Variants in PPP2CB observed in about 807,000 individuals in gnomAD.
The protein encoded by PPP2CB is serine/threonine-protein phosphatase 2A catalytic subunit beta isoform.
A neutral mutation model predicts 39.1 loss-of-function variants in PPP2CB; 18 were observed. That is an observed-to-expected ratio of 0.46 (90% CI 0.32 to 0.68). The LOEUF (loss-of-function observed/expected upper bound fraction) is 0.68, where lower values mean the gene tolerates loss of function less well. Ranked by LOEUF, PPP2CB falls within the 30% of genes least tolerant of loss-of-function variation. The probability of loss-of-function intolerance (pLI) is 0.04; values close to 1 mark genes in which losing one functional copy is unlikely to be tolerated. For missense variants in PPP2CB, 226 were observed against 396.9 expected, an observed-to-expected ratio of 0.57 and a Z score of 3.66; for synonymous variants, 129 against 133.8, an observed-to-expected ratio of 0.96 and a Z score of 0.25.
In PPP2CB at chr8:30,786,314, A is replaced by G; in HGVS notation, c.858-7T>C. ...CGCTGGGTCAAATTGAAGGCTGTAA[A>G]TGGCAAAAAAGGAAGCAAATAAAGG... On this transcript the variant is annotated splice_polypyrimidine_tract_variant and splice_region_variant and intron_variant, in intron 6 of 6. Coordinates refer to ENST00000221138, the MANE Select transcript of PPP2CB (RefSeq NM_001009552.2). 3 of 1,568,172 alleles carry G rather than the reference A, an allele frequency of 1.9e-6. No individual in the cohort carries two copies. Among genetic ancestry groups the G allele is most frequent in the African/African-American group, 1.3e-5 (1 of 74,278 alleles).
intron 1 of PPP2CB, among the ~76,000 whole-genome samples, chr8:30,809,427 T>C (rs1348876717): frequency 6.6e-6 from 1 of 151,928 alleles, no homozygotes; most frequent in African/African-American, 2.4e-5. Flanking sequence ...TCAGAAAACA[T>C]ATATATGTAT....
Position 30,786,224 on chromosome 8 carries a change from C to T in PPP2CB, c.*11G>A, listed in dbSNP as rs767001181. ...ACTTCCACATACAAAGGCAGGTTTC[C>T]CAGGAGAAATTTATAGGAAGTAGTC... On this transcript the variant is annotated 3_prime_UTR_variant, in exon 7 of 7. Coordinates refer to ENST00000221138, the MANE Select transcript of PPP2CB (RefSeq NM_001009552.2). 81 of 1,549,772 alleles carry T rather than the reference C, an allele frequency of 5.2e-5. No individual in the cohort carries two copies. The highest frequency in any genetic ancestry group is 5.2e-6 in the Non-Finnish European group (6 of 1,146,836).
chr8:30,803,311 G>C (rs139349068), intron 1 of PPP2CB, among the ~76,000 whole-genome samples: 277 of 152,164 alleles, frequency 1.8e-3, no homozygotes, highest in African/African-American at 6.3e-3. Context: ...TGGAGGCCGA[G>C]GCAGAAGGAT....
In PPP2CB at chr8:30,812,433, C is replaced by G; in HGVS notation, c.-12G>C. 1 of 1,515,386 alleles carries G rather than the reference C, an allele frequency of 6.6e-7. No individual in the cohort carries two copies. Among genetic ancestry groups the G allele is most frequent in the Non-Finnish European group, 8.9e-7 (1 of 1,128,572 alleles). The allele number at this position is 1,515,386 out of a possible 1,614,324, so 93.9% of individuals were successfully genotyped here. Reference sequence around the variant, plus strand: ...GCCTTGTCGTCCATGGCGGCCCGATCCCGATGCGGATCCCGAGCCCCAGCC... The same window carrying G: ...GCCTTGTCGTCCATGGCGGCCCGATGCCGATGCGGATCCCGAGCCCCAGCC... On this transcript the variant is annotated 5_prime_UTR_variant, in exon 1 of 7. Coordinates refer to ENST00000221138, the MANE Select transcript of PPP2CB (RefSeq NM_001009552.2).
chr8:30,791,970 G>GTA (rs761363265), intron 5 of PPP2CB, among the ~76,000 whole-genome samples: 18 of 88,158 alleles, frequency 2.0e-4, no homozygotes, highest in Non-Finnish European at 1.8e-4. Context: ...GTATACGTGT[G>GTA]TATATGTGTA....
intron 3 of PPP2CB, among the ~76,000 whole-genome samples, chr8:30,794,942 C>T (rs1806494828): frequency 6.6e-6 from 1 of 152,088 alleles, no homozygotes; most frequent in Non-Finnish European, 1.5e-5. Context: ...AATGTTTATA[C>T]GTTTTAATTC....
intron 6 of PPP2CB, 54 bp downstream of exon 6, chr8:30,791,143 C>A: frequency 3.3e-6 from 4 of 1,221,996 alleles, no homozygotes; most frequent in Non-Finnish European, 4.6e-6. Flanking sequence ...CTATTTTTAA[C>A]ATTTAAAATT....
At chr8:30,804,857 T>TA (rs1806692268) in intron 1 of PPP2CB, among the ~76,000 whole-genome samples, 2 of 152,006 alleles carry the variant, frequency 1.3e-5, no homozygotes, top group South Asian at 4.1e-4. Context: ...AACCACATTA[T>TA]AAAGAATTTG....
Position 30,786,238 on chromosome 8 carries a change from T to C in PPP2CB, c.927A>G (p.Leu309=), listed in dbSNP as rs1427933521. Residue 309 remains leucine, a synonymous_variant, in exon 7 of 7, where the codon CTA becomes CTG. Coordinates refer to ENST00000221138, the MANE Select transcript of PPP2CB (RefSeq NM_001009552.2). Reference sequence around the variant, plus strand: ...AGGCAGGTTTCCCAGGAGAAATTTATAGGAAGTAGTCTGGGGTGCGCCGTG... The same window carrying C: ...AGGCAGGTTTCCCAGGAGAAATTTACAGGAAGTAGTCTGGGGTGCGCCGTG... ...HVTRRTPDYF[L] is the part of the protein sequence containing the mutation. 7.7e-6 allele frequency: 12 copies of C among 1,565,836 alleles called. No homozygotes were observed. The highest frequency in any genetic ancestry group is 8.7e-6 in the Non-Finnish European group (10 of 1,155,924).
intron 3 of PPP2CB, among the ~76,000 whole-genome samples, chr8:30,796,179 T>C (rs1289464090): frequency 2.0e-5 from 3 of 152,144 alleles, no homozygotes; most frequent in East Asian, 1.9e-4. Context: ...TTTTAACAAG[T>C]CCAGGCAAAG....
chr8:30,804,892 T>TA (rs527245672), intron 1 of PPP2CB, among the ~76,000 whole-genome samples: 15 of 148,210 alleles, frequency 1.0e-4, no homozygotes, highest in African/African-American at 1.5e-4. Context: ...ACCACCCTAT[T>TA]AAAAAAAAAA....
chr8:30,794,493 C>T (rs1195170294), intron 3 of PPP2CB: 2 of 464,466 alleles, frequency 4.3e-6, no homozygotes, highest in Admixed American at 3.9e-5. Context: ...TTTTCCCCTC[C>T]CTCCCTCCCT....
chr8:30,791,926 ATATG>A (rs562103144), intron 5 of PPP2CB, among the ~76,000 whole-genome samples: 56 of 151,854 alleles, frequency 3.7e-4, no homozygotes, highest in Admixed American at 7.2e-4. Flanking sequence ...ATACACGTAT[ATATG>A]TATGTATACA....
chr8:30,811,673 T>A (rs543825416), intron 1 of PPP2CB, among the ~76,000 whole-genome samples: 203 of 145,726 alleles, frequency 1.4e-3, no homozygotes, highest in African/African-American at 2.9e-3. Context: ...TTAAAAAAAA[T>A]TTTTTGTGTG....
chr8:30,789,556 T>C (rs375355488), intron 6 of PPP2CB, among the ~76,000 whole-genome samples: 1 of 152,222 alleles, frequency 6.6e-6, no homozygotes, highest in African/African-American at 2.4e-5. Flanking sequence ...TAGTTGGATC[T>C]TCATACTGCA....
At chr8:30,786,471 A>T (rs1806343796) in intron 6 of PPP2CB, 164 bp from the exon 7 acceptor site, 3 of 512,300 alleles carry the variant, frequency 5.9e-6, no homozygotes, top group Non-Finnish European at 1.0e-5. Flanking sequence ...AGATGCTCCC[A>T]TTCCAACTAA....
At chr8:30,789,664 T>A (rs564884120) in intron 6 of PPP2CB, among the ~76,000 whole-genome samples, 1 of 152,058 alleles carries the variant, frequency 6.6e-6, no homozygotes, top group East Asian at 1.9e-4. Flanking sequence ...ACCTAGGAGG[T>A]GCTCCTGGAT....
intron 6 of PPP2CB, among the ~76,000 whole-genome samples, chr8:30,789,567 C>T (rs1806397538): frequency 6.6e-6 from 1 of 152,200 alleles, no homozygotes; most frequent in Non-Finnish European, 1.5e-5. Context: ...TCATACTGCA[C>T]TCAGTCCAGA....
At chr8:30,806,693 G>A (rs1806731485) in intron 1 of PPP2CB, among the ~76,000 whole-genome samples, 2 of 152,058 alleles carry the variant, frequency 1.3e-5, no homozygotes, top group African/African-American at 4.8e-5. Flanking sequence ...ACCAAGGAAG[G>A]GCTTCATTCA....
Sources: gnomAD v4.1 joint callset for allele counts (sites outside exome capture counted in the v4.1 genomes callset) on GRCh38, gnomAD v4.1.1 for gene constraint, MANE v1.5 for transcripts, NCBI Gene and HGNC (gene_info 2026-07-23, HGNC 2026-07-21) for gene names.